Variants in HEATR4 observed in about 807,000 individuals in gnomAD.
The protein encoded by HEATR4 is HEAT repeat containing 4, also known as HEAT repeat-containing protein 4.
Under a neutral mutation model 108.8 loss-of-function variants are expected in HEATR4, and 95 were observed. That is an observed-to-expected ratio of 0.87 (90% CI 0.74 to 1.04). The LOEUF (loss-of-function observed/expected upper bound fraction) is 1.04, where lower values mean the gene tolerates loss of function less well. Ranked by LOEUF, HEATR4 falls within the 50% of genes least tolerant of loss-of-function variation. HEATR4 has a pLI of 0.00. For synonymous variants in HEATR4, 443 were observed against 459.4 expected, an observed-to-expected ratio of 0.96 and a Z score of 0.46; for missense variants, 1,152 against 1,253.8, an observed-to-expected ratio of 0.92 and a Z score of 1.23.
chr14:73,619,924 T>C, the HEATR4 span: 1 of 1,428,242 alleles, frequency 7.0e-7, no homozygotes, highest in Non-Finnish European at 9.3e-7. Context: ...TTTCTCTTTT[T>C]TTTTTTTTTT....
the HEATR4 span, among the ~76,000 whole-genome samples, chr14:73,630,060 A>T: frequency 6.6e-6 from 1 of 152,182 alleles, no homozygotes; most frequent in Non-Finnish European, 1.5e-5. Context: ...AAAATTTAAA[A>T]AAAAAAGAAA....
At chr14:73,603,365 GT>G in the HEATR4 span, among the ~76,000 whole-genome samples, 31 of 151,054 alleles carry the variant, frequency 2.1e-4, no homozygotes, top group Middle Eastern at 6.8e-3. Context: ...TTTTGTTTTT[GT>G]TTTTTTTGAG....
At chr14:73,501,567 CT>C (rs1391272605) in intron 11 of HEATR4, among the ~76,000 whole-genome samples, 1 of 137,446 alleles carries the variant, frequency 7.3e-6, no homozygotes, top group Non-Finnish European at 1.6e-5. Context: ...CAGTCTCTCT[CT>C]CTTTTTTTTT....
chr14:73,579,097 A>G, the HEATR4 span, among the ~76,000 whole-genome samples: 1 of 150,366 alleles, frequency 6.7e-6, no homozygotes, highest in Non-Finnish European at 1.5e-5. Flanking sequence ...AAAAGAAAAA[A>G]AAAAAAAAAA....
At position 73,479,367 on chromosome 14, in the gene HEATR4, G is replaced by C. The variant is rs1182142702; in HGVS notation, c.2845-525C>G. ...CCTGACCTTGTGACCAGCCCGCCTCGGCCTCCCAAAGTGCTGGGATTACGG... is the reference window on the plus strand; with the variant it reads ...CCTGACCTTGTGACCAGCCCGCCTCCGCCTCCCAAAGTGCTGGGATTACGG... On this transcript the variant is annotated intron_variant, in intron 17 of 17. Transcript: ENST00000553558. Among the ~76,000 whole-genome samples, 10 of 151,636 alleles carry C rather than the reference G, an allele frequency of 6.6e-5. 1 individual carries two copies. The East Asian group carries it at 1.9e-3, about 29-fold the overall frequency.
At chr14:73,542,363 T>G (rs1889115061) in intron 1 of HEATR4, among the ~76,000 whole-genome samples, 1 of 109,550 alleles carries the variant, frequency 9.1e-6, no homozygotes, top group Admixed American at 1.0e-4. Flanking sequence ...TATTTGTAGT[T>G]GGTATTATGC....
At chr14:73,560,838 A>T (rs1170952676), upstream of HEATR4, among the ~76,000 whole-genome samples, 2 of 151,908 alleles carry the variant, frequency 1.3e-5, no homozygotes, top group African/African-American at 4.8e-5. Context: ...AACCCTGTTG[A>T]AGGTTCCTCA....
chr14:73,613,127 T>C, the HEATR4 span: 5 of 499,674 alleles, frequency 1.0e-5, no homozygotes, highest in African/African-American at 2.0e-5. Context: ...CTGAACTTGT[T>C]CCTTCGCTCC....
the HEATR4 span, among the ~76,000 whole-genome samples, chr14:73,631,223 C>A: frequency 6.6e-6 from 1 of 152,106 alleles, no homozygotes; most frequent in Non-Finnish European, 1.5e-5. Flanking sequence ...ATATGTTCAC[C>A]TGGGTTAATT....
the HEATR4 span, chr14:73,569,840 G>C: frequency 5.0e-6 from 8 of 1,604,174 alleles, no homozygotes; most frequent in South Asian, 8.9e-5. Flanking sequence ...GGCGCGAGCC[G>C]GTGCGCGTGG....
chr14:73,489,517 A>G (rs756321999), intron 17 of HEATR4, among the ~76,000 whole-genome samples: 1 of 152,202 alleles, frequency 6.6e-6, no homozygotes, highest in Non-Finnish European at 1.5e-5. Context: ...GGTAAAACCT[A>G]TTAATAATCA....
At chr14:73,489,843 A>T (rs879871856) in intron 17 of HEATR4, among the ~76,000 whole-genome samples, 4 of 152,222 alleles carry the variant, frequency 2.6e-5, no homozygotes, top group Non-Finnish European at 5.9e-5. Context: ...TGAATTTGAG[A>T]ATTTGTATTG....
the HEATR4 span, among the ~76,000 whole-genome samples, chr14:73,589,017 T>G: frequency 6.6e-6 from 1 of 152,162 alleles, no homozygotes; most frequent in Admixed American, 6.6e-5. Flanking sequence ...CATAGTTCCC[T>G]TATCTCCACT....
At position 73,558,943 on chromosome 14, in the gene HEATR4, G is replaced by A; in HGVS notation, c.-344C>T. The A allele has an allele frequency of 6.6e-6, 1 of 151,612 alleles. No individual in the cohort carries two copies. Among genetic ancestry groups the A allele is most frequent in the Non-Finnish European group, 1.5e-5 (1 of 67,908 alleles). The allele number at this position is 151,612 out of a possible 1,614,324, so 9.4% of individuals were successfully genotyped here. A position where few individuals can be genotyped will look rare whatever the true frequency, so the allele number is the denominator to read the frequency against. ...TCTTAAGCCTTCCTTGGTTTCTTAG[G>A]TTCCAAAGCTGTTTCTATCAGTCTC... is the stretch of plus-strand genomic sequence containing the variant. On this transcript the variant is annotated 5_prime_UTR_variant, in exon 1 of 18. Transcript: ENST00000553558.
chr14:73,594,944 A>T, the HEATR4 span: 2 of 1,385,802 alleles, frequency 1.4e-6, no homozygotes, highest in Non-Finnish European at 2.0e-6. Context: ...ACCTCAAGTG[A>T]TCCGCCCGCC....
the HEATR4 span, among the ~76,000 whole-genome samples, chr14:73,566,254 G>C: frequency 1.7e-4 from 26 of 152,102 alleles, no homozygotes; most frequent in Admixed American, 1.7e-3. Flanking sequence ...CTAGACTCAG[G>C]AGCCCAGCTG....
intron 17 of HEATR4, among the ~76,000 whole-genome samples, chr14:73,483,015 A>T (rs1885314573): frequency 6.6e-6 from 1 of 152,176 alleles, no homozygotes; most frequent in South Asian, 2.1e-4. Context: ...AAGTAAGGGG[A>T]TCTAGGAAGG....
At chr14:73,491,472 C>T in intron 17 of HEATR4, 1 of 1,490,964 alleles carries the variant, frequency 6.7e-7, no homozygotes, top group Admixed American at 2.2e-5. Flanking sequence ...CTGTGCACCG[C>T]GCAACACTTA....
chr14:73,615,407 ACAAAAAAC>A, the HEATR4 span, among the ~76,000 whole-genome samples: 407 of 120,094 alleles, frequency 3.4e-3, 35 homozygotes, highest in South Asian at 0.011. Context: ...AAAAAAAAAA[ACAAAAAAC>A]AAAAAAAACC....
Sources: gnomAD v4.1 joint callset for allele counts (sites outside exome capture counted in the v4.1 genomes callset) on GRCh38, gnomAD v4.1.1 for gene constraint, MANE v1.5 for transcripts, NCBI Gene and HGNC (gene_info 2026-07-23, HGNC 2026-07-21) for gene names.